The following UNKL variants were observed in gnomAD, a reference collection of about 807,000 sequenced individuals.
UNKL encodes unk like zinc finger.
Under a neutral mutation model 78.0 loss-of-function variants are expected in UNKL, and 60 were observed. That is an observed-to-expected ratio of 0.77 (90% CI 0.63 to 0.95). The LOEUF is 0.95. UNKL is among the 40% of genes least tolerant of loss of function. The pLI is 0.00. For missense variants in UNKL, 1,159 were observed against 1,045.7 expected, an observed-to-expected ratio of 1.11 and a Z score of -1.49; for synonymous variants, 608 against 474.8, an observed-to-expected ratio of 1.28 and a Z score of -3.65.
chr16:1,394,257 G>T, intron 6 of UNKL, 42 bp from the exon 7 acceptor site: 1 of 1,543,968 alleles, frequency 6.5e-7, no homozygotes, highest in South Asian at 1.2e-5. Context: ...TTGGAAATGG[G>T]ATTCTGTGGA....
chr16:1,382,944 C>T (rs1299298413), intron 10 of UNKL, among the ~76,000 whole-genome samples: 1 of 146,984 alleles, frequency 6.8e-6, no homozygotes, highest in South Asian at 2.2e-4. Context: ...GGTGACAGAG[C>T]GAGACTCTGT....
chr16:1,395,668 GTTTAT>G (rs1322813456), intron 6 of UNKL: 4 of 455,800 alleles, frequency 8.8e-6, no homozygotes, highest in African/African-American at 2.0e-5. Flanking sequence ...AGGCGGGAGG[GTTTAT>G]CTCCCTCAGG....
Position 1,365,381 on chromosome 16 carries a change from T to C in UNKL, c.*859A>G, listed in dbSNP as rs1365211890. On this transcript the variant is annotated 3_prime_UTR_variant, in exon 15 of 15. Transcript: ENST00000389221. ...TAGTATCAAACTGTCTTTCAGAGGG[T>C]TAAGGGAGAAAACAAAACCCATGAT... 1 of 152,210 alleles carries C rather than the reference T, an allele frequency of 6.6e-6. No homozygotes were observed. The highest frequency in any genetic ancestry group is 1.5e-5 in the Non-Finnish European group (1 of 68,046). 9.4% of individuals were successfully genotyped at this position (152,210 alleles called of 1,614,324 possible).
intron 2 of UNKL, among the ~76,000 whole-genome samples, chr16:1,411,694 A>G (rs2038044646): frequency 6.6e-6 from 1 of 151,220 alleles, no homozygotes; most frequent in South Asian, 2.1e-4. Flanking sequence ...GCGTGGTGGC[A>G]CGCGCCTGTA....
intron 10 of UNKL, among the ~76,000 whole-genome samples, chr16:1,381,788 C>T (rs1454674915): frequency 1.3e-5 from 2 of 152,150 alleles, no homozygotes; most frequent in Admixed American, 6.5e-5. Flanking sequence ...TTAAAACTAG[C>T]ATGTTCTCAC....
rs1016724409 is a variant in UNKL, at chr16:1,394,629, TCAA to T, written c.853-417_853-415del. ...TAGGGTGACAGCCCCTCTCATGAGG[TCAA>T]CAACACTTAAGACCCGGCAAGGGAC... On this transcript the variant is annotated intron_variant, in intron 6 of 14. Transcript: ENST00000389221. The T allele has an allele frequency of 2.4e-4, 101 of 412,984 alleles. 1 individual carries two copies. The Admixed American group carries it at 2.5e-3, about 10-fold the overall frequency. The allele number at this position is 412,984 out of a possible 1,614,324, so 25.6% of individuals were successfully genotyped here.
rs537408300 is a variant in UNKL, at chr16:1,367,779, G to C, written c.1665C>G (p.Ala555=). The part of the protein sequence containing the change: ...FSPSPSPILS[A]GPPSSSSASP... ...TTGCACTCGAAGAGGATGGGGGGCC[G>C]GCACTCAGGATGGGGGAGGGGCTGG... Residue 555 remains alanine, a synonymous_variant, in exon 13 of 15, where the codon GCC becomes GCG. Transcript: ENST00000389221. 6.4e-7 allele frequency: 1 copy of C among 1,573,296 alleles called. No homozygotes were observed. Among genetic ancestry groups the C allele is most frequent in the Non-Finnish European group, 8.6e-7 (1 of 1,159,880 alleles).
rs778273637 is a variant in UNKL at position 1,405,970 on chromosome 16, C to CA, written c.288-2627dup. On this transcript the variant is annotated intron_variant, in intron 2 of 14. Transcript: ENST00000389221. Reference sequence around the variant, plus strand: ...TCTCGAGACTGCGAGCCACATGCATCAAAATCACCTAGGAGGCCCGTGGCC... The same window carrying CA: ...TCTCGAGACTGCGAGCCACATGCATCAAAAATCACCTAGGAGGCCCGTGGCC... 36 of 456,756 alleles carry CA rather than the reference C, an allele frequency of 7.9e-5. No individual in the cohort carries two copies. In the East Asian group the frequency reaches 2.4e-3, roughly 31 times the overall value. 28.3% of individuals were successfully genotyped at this position (456,756 alleles called of 1,614,324 possible). A position where few individuals can be genotyped will look rare whatever the true frequency, so the allele number is the denominator to read the frequency against.
chr16:1,367,375 C>G (rs1375299320), intron 13 of UNKL, 26 bp from the exon 14 acceptor site: 2 of 1,519,164 alleles, frequency 1.3e-6, no homozygotes, highest in South Asian at 1.2e-5. Context: ...CGTCTCAGCA[C>G]CCCCCACCTC....
At chr16:1,398,679 G>GCGGGGGGC in intron 5 of UNKL, 1 of 1,356,392 alleles carries the variant, frequency 7.4e-7, no homozygotes, top group Non-Finnish European at 9.5e-7. Flanking sequence ...TGTGGGGTCT[G>GCGGGGGGC]CACCCCCCCA....
At chr16:1,413,542 A>T (rs893371433) in intron 2 of UNKL, among the ~76,000 whole-genome samples, 2 of 152,238 alleles carry the variant, frequency 1.3e-5, no homozygotes, top group African/African-American at 4.8e-5. Context: ...CACTCCAGCC[A>T]GAGCAACAAG....
Position 1,371,520 on chromosome 16 carries a change from T to TG in UNKL, c.1355dup (p.Gly453ArgfsTer117). 1 of 1,536,126 alleles carries TG rather than the reference T, an allele frequency of 6.5e-7. No individual in the cohort carries two copies. The highest frequency in any genetic ancestry group is 8.7e-7 in the Non-Finnish European group (1 of 1,146,884). On this transcript the variant is annotated frameshift_variant and splice_region_variant, in exon 11 of 15. Coordinates refer to ENST00000389221, the MANE Select transcript of UNKL (RefSeq NM_001372107.1). LOFTEE classifies it high-confidence loss of function. ...GCCCCAGGTCCTCCCCACCCTCACCTGCTGCTCCCAGGTCGTGGCCGTCTT... is the reference window on the plus strand; with the variant it reads ...GCCCCAGGTCCTCCCCACCCTCACCTGGCTGCTCCCAGGTCGTGGCCGTCTT...
intron 10 of UNKL, among the ~76,000 whole-genome samples, chr16:1,372,686 G>A (rs1020952295): frequency 1.9e-4 from 29 of 152,334 alleles, no homozygotes; most frequent in Middle Eastern, 6.8e-3. Flanking sequence ...TGGGATCTGA[G>A]AGCCCACGTG....
rs1232532340 is a variant in UNKL, at chr16:1,367,848, A to G, written c.1596T>C (p.Gly532=). 51 of 1,566,496 alleles carry G rather than the reference A, an allele frequency of 3.3e-5. No homozygotes were observed. Among genetic ancestry groups the G allele is most frequent in the Non-Finnish European group, 4.4e-5 (51 of 1,156,642 alleles). Residue 532 remains glycine, a synonymous_variant, in exon 13 of 15, where the codon GGT becomes GGC. Transcript: ENST00000389221. The stretch of plus-strand genomic sequence containing the variant: ...CAAAGTCCCAGATGCTCCCGGGGAC[A>G]CCGTTCAAACCTGAGTGTGAAACGG... The part of the protein sequence containing the change: ...ASSYSPLGLN[G]VPGSIWDFVS...
At chr16:1,379,995 G>C (rs1323711041) in intron 10 of UNKL, among the ~76,000 whole-genome samples, 5 of 152,190 alleles carry the variant, frequency 3.3e-5, no homozygotes, top group Admixed American at 2.0e-4. Flanking sequence ...AGGGGCGCTC[G>C]CGGGGCGGGG....
At chr16:1,383,955 C>T (rs1338677469) in intron 10 of UNKL, 2 of 277,424 alleles carry the variant, frequency 7.2e-6, no homozygotes, top group Admixed American at 3.6e-5. Flanking sequence ...AGGCCAGACC[C>T]GGGCTGAGCT....
intron 9 of UNKL, among the ~76,000 whole-genome samples, chr16:1,388,135 C>T (rs183626816): frequency 2.1e-3 from 313 of 152,248 alleles, no homozygotes; most frequent in Admixed American, 2.7e-3. Context: ...AAGCCGTGGA[C>T]GACGCTGGGG....
Position 1,387,712 on chromosome 16 carries a change from G to A in UNKL, c.1087-2327C>T, listed in dbSNP as rs1383387900. 6.6e-6 allele frequency among the ~76,000 whole-genome samples: 1 copy of A among 152,074 alleles called. No homozygotes were observed. Among genetic ancestry groups the A allele is most frequent in the Non-Finnish European group, 1.5e-5 (1 of 68,002 alleles). ...CAACGCACGGCCCTCCGGGGACGTG[G>A]ACACTGCACAGCCGCACGGCTGCCC... On this transcript the variant is annotated intron_variant, in intron 9 of 14. Transcript: ENST00000389221. This position sits in a 1 kb window ranked among gnomAD's most constrained non-coding sequence, Gnocchi z 4.1.
intron 11 of UNKL, among the ~76,000 whole-genome samples, chr16:1,370,580 G>A (rs965435595): frequency 1.3e-5 from 2 of 152,170 alleles, no homozygotes; most frequent in African/African-American, 4.8e-5. Flanking sequence ...GGGCTCAAAG[G>A]GATTCCAACC....
Sources: gnomAD v4.1 joint callset for allele counts (sites outside exome capture counted in the v4.1 genomes callset) on GRCh38, gnomAD v4.1.1 for gene constraint, Gnocchi (gnomAD v3.1) non-coding constraint, MANE v1.5 for transcripts, NCBI Gene and HGNC (gene_info 2026-07-23, HGNC 2026-07-21) for gene names.